The following INTS9 variants were observed in gnomAD, a reference collection of about 807,000 sequenced individuals.
INTS9 encodes integrator complex subunit 9, also known as protein related to CPSF subunits of 74 kDa.
In INTS9, 55 loss-of-function variants were observed where a neutral mutation model predicts 79.7. The observed-to-expected ratio is 0.69, with a 90% CI of 0.56 to 0.86. The LOEUF (loss-of-function observed/expected upper bound fraction) is 0.86. Ranked by LOEUF, INTS9 falls within the 40% of genes least tolerant of loss-of-function variation. The pLI, the probability that INTS9 is intolerant of heterozygous loss-of-function variation, is 0.00. For missense variants in INTS9, 721 were observed against 831.5 expected (o/e 0.87, Z 1.64); for synonymous variants, 319 against 325.2 (o/e 0.98, Z 0.20).
chr8:28,858,828 T>A (rs772742456), intron 2 of INTS9, among the ~76,000 whole-genome samples: 7 of 152,368 alleles, frequency 4.6e-5, no homozygotes, highest in Non-Finnish European at 1.0e-4. Flanking sequence ...CTACTGTAAG[T>A]ATATTTGCTT....
intron 6 of INTS9, 66 bp downstream of exon 6, chr8:28,835,226 A>C (rs921152429): frequency 8.7e-6 from 9 of 1,034,176 alleles, no homozygotes; most frequent in African/African-American, 1.6e-5. Context: ...GAAGAAATCA[A>C]ATGAGACTGC....
intron 10 of INTS9, among the ~76,000 whole-genome samples, chr8:28,790,912 C>T (rs1803886078): frequency 6.6e-6 from 1 of 152,208 alleles, no homozygotes; most frequent in Non-Finnish European, 1.5e-5. Flanking sequence ...CCGTCAATGC[C>T]CTCAGGGACA....
chr8:28,833,601 CAG>C (rs1180832292), intron 6 of INTS9, among the ~76,000 whole-genome samples: 1 of 146,136 alleles, frequency 6.8e-6, no homozygotes, highest in East Asian at 2.0e-4. Context: ...GCCTGGGCGA[CAG>C]AGTTAGACTC....
At chr8:28,814,790 C>T (rs562076846) in intron 6 of INTS9, among the ~76,000 whole-genome samples, 194 of 152,244 alleles carry the variant, frequency 1.3e-3, no homozygotes, top group African/African-American at 4.6e-3. Context: ...AGCTTATTCC[C>T]CTCAGGGTAG....
At chr8:28,851,449 G>T (rs1268513398) in intron 2 of INTS9, among the ~76,000 whole-genome samples, 1 of 151,344 alleles carries the variant, frequency 6.6e-6, no homozygotes, top group Non-Finnish European at 1.5e-5. Context: ...TGTTGTTGTT[G>T]TTTTTTGAGA....
chr8:28,849,492 G>T (rs1807704593), intron 3 of INTS9, among the ~76,000 whole-genome samples: 1 of 145,424 alleles, frequency 6.9e-6, no homozygotes, highest in Non-Finnish European at 1.5e-5. Flanking sequence ...TCCTAGAACT[G>T]TTTTTTTTTT....
intron 11 of INTS9, among the ~76,000 whole-genome samples, chr8:28,781,763 A>G (rs949427047): frequency 1.3e-5 from 2 of 152,206 alleles, no homozygotes; most frequent in African/African-American, 4.8e-5. Context: ...CTCAGCGGTC[A>G]CCAGGGATTC....
intron 1 of INTS9, among the ~76,000 whole-genome samples, chr8:28,880,410 C>T (rs921554885): frequency 4.6e-5 from 7 of 152,128 alleles, no homozygotes; most frequent in Non-Finnish European, 1.0e-4. Context: ...AGGCGCGTGC[C>T]GCCACGCCTG....
At position 28,846,906 on chromosome 8, in the gene INTS9, C is replaced by G. The variant is rs1807551277; in HGVS notation, c.199-97G>C. 9 of 910,588 alleles carry G rather than the reference C, an allele frequency of 9.9e-6. No individual in the cohort carries two copies. In the East Asian group the frequency reaches 1.9e-4, roughly 20 times the overall value. 56.4% of individuals were successfully genotyped at this position (910,588 alleles called of 1,614,324 possible). ...CCAAACAAAACTTTTCATGAAGAAT[C>G]ATAGACTACTAGAGCTGGAGGGAAG... On this transcript the variant is annotated intron_variant, in intron 3 of 16. Transcript: ENST00000521022.
intron 1 of INTS9, among the ~76,000 whole-genome samples, chr8:28,869,798 T>C (rs1266233294): frequency 1.3e-5 from 2 of 152,024 alleles, no homozygotes; most frequent in Non-Finnish European, 2.9e-5. Context: ...GTGCAGAAAA[T>C]CTTAGCATGC....
chr8:28,777,427 C>A (rs1470111764), intron 13 of INTS9, among the ~76,000 whole-genome samples: 1 of 152,150 alleles, frequency 6.6e-6, no homozygotes, highest in Admixed American at 6.5e-5. Flanking sequence ...AAAACTGCCA[C>A]AAAACCCAAA....
At position 28,835,291 on chromosome 8, in the gene INTS9, C is replaced by T; in HGVS notation, c.488+1G>A. 6.2e-7 allele frequency: 1 copy of T among 1,611,504 alleles called. No homozygotes were observed. The highest frequency in any genetic ancestry group is 8.5e-7 in the Non-Finnish European group (1 of 1,177,812). On this transcript the variant is annotated splice_donor_variant, in intron 6 of 16. Transcript: ENST00000521022. LOFTEE classifies it high-confidence loss of function. ...CGGTAAGAGAGTGGTCTGTTCCTCA[C>T]CTCTGAATGTCCTTATTCTTCCACA... is the stretch of plus-strand genomic sequence containing the variant.
chr8:28,799,048 G>A (rs1344102784), intron 8 of INTS9, among the ~76,000 whole-genome samples: 2 of 152,164 alleles, frequency 1.3e-5, no homozygotes, highest in Non-Finnish European at 2.9e-5. Context: ...TGTAATCCCA[G>A]CACTTTGTGA....
intron 8 of INTS9, among the ~76,000 whole-genome samples, chr8:28,812,122 A>G (rs1563267289): frequency 6.6e-6 from 1 of 152,176 alleles, no homozygotes; most frequent in African/African-American, 2.4e-5. Flanking sequence ...TCAGAATCCT[A>G]GGAGTGACCC....
chr8:28,840,713 A>G (rs1284892093), intron 4 of INTS9, among the ~76,000 whole-genome samples: 60 of 145,426 alleles, frequency 4.1e-4, no homozygotes, highest in Non-Finnish European at 8.0e-4. Context: ...AACACCGCAT[A>G]TTCTCACTCA....
rs143735587 is a variant in INTS9 at position 28,829,379 on chromosome 8, G to A, written c.488+5913C>T. Among the ~76,000 whole-genome samples, 667 of 152,258 alleles carry A rather than the reference G, an allele frequency of 4.4e-3. 15 individuals carry two copies. The highest frequency in any genetic ancestry group is 0.037 in the Admixed American group (568 of 15,294). On this transcript the variant is annotated intron_variant, in intron 6 of 16. Transcript: ENST00000521022. ...CAATGTCAAAGTTAGGAAGAAGGAT[G>A]ACTTAACTTCTTTGATATAAATCTC...
At chr8:28,791,973 C>CTTATTTTGTGA (rs765284571) in intron 10 of INTS9, among the ~76,000 whole-genome samples, 10 of 152,120 alleles carry the variant, frequency 6.6e-5, no homozygotes, top group African/African-American at 9.7e-5. Context: ...TTCCACAATT[C>CTTATTTTGTGA]TTCCACAAAA....
At chr8:28,807,802 C>T (rs868311294) in intron 8 of INTS9, among the ~76,000 whole-genome samples, 1 of 152,136 alleles carries the variant, frequency 6.6e-6, no homozygotes, top group Non-Finnish European at 1.5e-5. Flanking sequence ...CTTTTACAGC[C>T]TTATACAAGA....
chr8:28,880,451 G>A (rs893139179), intron 1 of INTS9, among the ~76,000 whole-genome samples: 2 of 152,126 alleles, frequency 1.3e-5, no homozygotes, highest in Non-Finnish European at 1.5e-5. Context: ...GGTGGAGACG[G>A]GGTTTCGATG....
Sources: gnomAD v4.1 joint callset for allele counts (sites outside exome capture counted in the v4.1 genomes callset) on GRCh38, gnomAD v4.1.1 for gene constraint, MANE v1.5 for transcripts, NCBI Gene and HGNC (gene_info 2026-07-23, HGNC 2026-07-21) for gene names.